PTPRD: variants seen among roughly 807,000 people sequenced by gnomAD.
The protein encoded by PTPRD is receptor-type tyrosine-protein phosphatase delta.
PTPRD carries 34 observed loss-of-function variants against 214.5 expected under a neutral mutation model. The observed-to-expected ratio is 0.16, with a 90% CI of 0.12 to 0.21. The LOEUF is 0.21. Among genes scored for constraint, PTPRD ranks in the 10% least tolerant of loss-of-function variants. PTPRD has a pLI of 1.00. For synonymous variants in PTPRD, 1,128 were observed against 845.7 expected, an observed-to-expected ratio of 1.33 and a Z score of -5.79; for missense variants, 2,545 against 2,398.7, an observed-to-expected ratio of 1.06 and a Z score of -1.27.
chr9:8,597,868 T>C (rs1317246881), intron 14 of PTPRD, among the ~76,000 whole-genome samples: 1 of 152,142 alleles, frequency 6.6e-6, no homozygotes, highest in Non-Finnish European at 1.5e-5. Context: ...ATCCCAAATA[T>C]TTATTATTAT....
At chr9:9,804,753 T>G (rs2099062484) in intron 5 of PTPRD, among the ~76,000 whole-genome samples, 1 of 151,868 alleles carries the variant, frequency 6.6e-6, no homozygotes, top group African/African-American at 2.4e-5. Context: ...TTGGTAGAGA[T>G]ATGAGGTGTG....
At chr9:9,971,318 A>G (rs1037595408) in intron 4 of PTPRD, among the ~76,000 whole-genome samples, 1 of 152,194 alleles carries the variant, frequency 6.6e-6, no homozygotes, top group Non-Finnish European at 1.5e-5. Context: ...TGGAGTAGAA[A>G]CCAGGTGTTG....
At chr9:9,498,291 A>T (rs1174486358) in intron 8 of PTPRD, among the ~76,000 whole-genome samples, 1 of 152,156 alleles carries the variant, frequency 6.6e-6, no homozygotes, top group Non-Finnish European at 1.5e-5. Flanking sequence ...TAAGCCAAGT[A>T]TGAATGTTGA....
At chr9:10,557,581 C>G (rs1461283982) in intron 2 of PTPRD, among the ~76,000 whole-genome samples, 1 of 152,130 alleles carries the variant, frequency 6.6e-6, no homozygotes, top group Non-Finnish European at 1.5e-5. Context: ...ATCTCCAAAC[C>G]TGTACAGTTT....
chr9:10,576,547 G>C (rs2069415235), intron 2 of PTPRD, among the ~76,000 whole-genome samples: 2 of 152,108 alleles, frequency 1.3e-5, no homozygotes, highest in Admixed American at 1.3e-4. Flanking sequence ...AGACATTAGA[G>C]CATGGCGGAC....
chr9:8,892,465 T>G (rs1264155620), intron 11 of PTPRD, among the ~76,000 whole-genome samples: 11 of 151,770 alleles, frequency 7.2e-5, no homozygotes, highest in Non-Finnish European at 2.9e-5. Context: ...TATAAATCCT[T>G]TAGAATCTCT....
chr9:9,110,665 T>C (rs1014181469), intron 10 of PTPRD, among the ~76,000 whole-genome samples: 2 of 152,092 alleles, frequency 1.3e-5, no homozygotes, highest in African/African-American at 2.4e-5. Flanking sequence ...AATCACCAAA[T>C]AGCTCTCAAA....
intron 31 of PTPRD, among the ~76,000 whole-genome samples, chr9:8,470,519 G>A (rs1038705788): frequency 6.6e-6 from 1 of 152,016 alleles, no homozygotes; most frequent in Admixed American, 6.6e-5. Flanking sequence ...ATAGAACAAG[G>A]CAAACATCTG....
intron 5 of PTPRD, among the ~76,000 whole-genome samples, chr9:9,918,142 C>A (rs1399573543): frequency 6.6e-6 from 1 of 151,664 alleles, no homozygotes; most frequent in African/African-American, 2.4e-5. Flanking sequence ...TGATTTTGTA[C>A]ATAGAAAAAT....
chr9:9,031,324 A>G (rs1284462180), intron 10 of PTPRD, among the ~76,000 whole-genome samples: 1 of 152,064 alleles, frequency 6.6e-6, no homozygotes, highest in East Asian at 1.9e-4. Context: ...TGAGAAACGC[A>G]TTGTTAGGCA....
chr9:9,573,429 CTT>C (rs749088116), intron 8 of PTPRD, among the ~76,000 whole-genome samples: 6 of 149,024 alleles, frequency 4.0e-5, no homozygotes, highest in South Asian at 2.1e-4. Flanking sequence ...AAAAAAAAAA[CTT>C]ATGTCAGTAT....
intron 4 of PTPRD, among the ~76,000 whole-genome samples, chr9:9,977,263 C>T (rs2095390451): frequency 6.6e-6 from 1 of 152,116 alleles, no homozygotes; most frequent in Non-Finnish European, 1.5e-5. Context: ...CAATTTGAAG[C>T]TCAAAAGTGC....
In PTPRD at chr9:9,492,913, G is replaced by A. The variant is rs923338053; in HGVS notation, c.-237+81819C>T. Reference sequence around the variant, plus strand: ...TCCTGTGATTGTTGATATTACTATTGTAATTGTTCTGGGGCACCATGAACC... The same window carrying A: ...TCCTGTGATTGTTGATATTACTATTATAATTGTTCTGGGGCACCATGAACC... On this transcript the variant is annotated intron_variant, in intron 8 of 45. Coordinates refer to ENST00000381196, the MANE Select transcript of PTPRD (RefSeq NM_002839.4). Among the ~76,000 whole-genome samples the A allele has an allele frequency of 5.4e-5, 8 of 147,004 alleles. No individual in the cohort carries two copies. In the South Asian group the frequency reaches 1.6e-3, roughly 29 times the overall value.
intron 3 of PTPRD, among the ~76,000 whole-genome samples, chr9:10,307,342 T>C (rs1293146188): frequency 6.6e-6 from 1 of 152,138 alleles, no homozygotes; most frequent in Non-Finnish European, 1.5e-5. Context: ...TTTCTGTGCC[T>C]GGCTTATTTC....
intron 3 of PTPRD, among the ~76,000 whole-genome samples, chr9:10,306,957 A>G (rs1324171218): frequency 2.0e-5 from 3 of 152,158 alleles, no homozygotes; most frequent in Non-Finnish European, 1.5e-5. Context: ...ATACTATTTG[A>G]AAGTGTTTAT....
At chr9:9,488,206 A>G (rs1400398996) in intron 8 of PTPRD, among the ~76,000 whole-genome samples, 2 of 152,316 alleles carry the variant, frequency 1.3e-5, no homozygotes, top group South Asian at 2.1e-4. Flanking sequence ...TCACCTACAC[A>G]TTGCTTCACA....
chr9:8,559,566 A>G (rs2085334835), intron 14 of PTPRD, among the ~76,000 whole-genome samples: 1 of 152,362 alleles, frequency 6.6e-6, no homozygotes, highest in South Asian at 2.1e-4. Flanking sequence ...AGGACAAAGT[A>G]ATAAATTTCA....
At chr9:9,805,489 G>A (rs1014562745) in intron 5 of PTPRD, among the ~76,000 whole-genome samples, 13 of 152,104 alleles carry the variant, frequency 8.5e-5, no homozygotes, top group Non-Finnish European at 1.6e-4. Flanking sequence ...GTGGAAAACA[G>A]ATCCAATGTA....
intron 11 of PTPRD, among the ~76,000 whole-genome samples, chr9:8,936,862 A>T (rs2099001407): frequency 6.6e-6 from 1 of 152,230 alleles, no homozygotes; most frequent in Non-Finnish European, 1.5e-5. Flanking sequence ...ATTCACTTTG[A>T]GATTTACATG....
Sources: allele counts gnomAD v4.1 joint callset (sites outside exome capture counted in the v4.1 genomes callset), GRCh38; gene constraint gnomAD v4.1.1; transcripts MANE v1.5; gene names NCBI Gene and HGNC (gene_info 2026-07-23, HGNC 2026-07-21).